Variants in TSHR observed in about 807,000 individuals in gnomAD.
The protein encoded by TSHR is thyroid stimulating hormone receptor, also known as thyrotropin receptor.
TSHR carries 51 observed loss-of-function variants against 64.1 expected under a neutral mutation model. That is an observed-to-expected ratio of 0.80 (90% CI 0.64 to 1.01). The LOEUF (loss-of-function observed/expected upper bound fraction) is 1.01. Among genes scored for constraint, TSHR ranks in the 50% least tolerant of loss-of-function variants. The probability of loss-of-function intolerance (pLI) is 0.00; values close to 1 mark genes in which losing one functional copy is unlikely to be tolerated. For synonymous variants in TSHR, 361 were observed against 361.9 expected (o/e 1.00, Z 0.03); for missense variants, 877 against 942.8 (o/e 0.93, Z 0.91).
chr14:81,014,638 T>A (rs889067608), intron 1 of TSHR, among the ~76,000 whole-genome samples: 1 of 152,120 alleles, frequency 6.6e-6, no homozygotes, highest in Non-Finnish European at 1.5e-5. Context: ...CACAATTTCA[T>A]TGAATGGGAG....
chr14:81,090,039 C>T lies in TSHR; in HGVS notation c.393-1030C>T, dbSNP rs369528482. ...TGTCTAGATCTCACTCTATGCTATG[C>T]CAAATTCTCAAAAAAAAAAAAATTC... On this transcript the variant is annotated intron_variant, in intron 4 of 9. Transcript: ENST00000298171. Among the ~76,000 whole-genome samples, 56 of 150,868 alleles carry T rather than the reference C, an allele frequency of 3.7e-4. No homozygotes were observed. In the South Asian group the frequency reaches 0.011, roughly 30 times the overall value.
At chr14:81,071,158 A>G (rs1887039352) in intron 3 of TSHR, among the ~76,000 whole-genome samples, 1 of 152,184 alleles carries the variant, frequency 6.6e-6, no homozygotes, top group South Asian at 2.1e-4. Flanking sequence ...AGCTTTTATG[A>G]AAACATTAAA....
At chr14:80,992,031 A>G (rs976348721) in intron 1 of TSHR, 1 of 157,616 alleles carries the variant, frequency 6.3e-6, no homozygotes, top group African/African-American at 2.4e-5. Context: ...GGGACTATTT[A>G]CTAGCCCCAT....
intron 8 of TSHR, among the ~76,000 whole-genome samples, chr14:81,109,673 A>G (rs117253034): frequency 6.6e-6 from 1 of 152,110 alleles, no homozygotes; most frequent in East Asian, 1.9e-4. Context: ...TCACTCTTTC[A>G]CCTTTAACAA....
intron 1 of TSHR, among the ~76,000 whole-genome samples, chr14:81,044,137 G>A (rs1236500845): frequency 2.0e-5 from 3 of 152,206 alleles, no homozygotes; most frequent in Non-Finnish European, 4.4e-5. Flanking sequence ...ACTATCATCA[G>A]AGTGAACAGA....
At chr14:81,127,012 G>A (rs2140077704) in intron 8 of TSHR, among the ~76,000 whole-genome samples, 1 of 152,302 alleles carries the variant, frequency 6.6e-6, no homozygotes, top group South Asian at 2.1e-4. Context: ...CAAAAGCCAT[G>A]TATACTATGT....
chr14:81,116,347 A>C (rs1418797444), intron 8 of TSHR, among the ~76,000 whole-genome samples: 1 of 125,566 alleles, frequency 8.0e-6, no homozygotes, highest in African/African-American at 3.1e-5. Flanking sequence ...TCTACCAAGC[A>C]AATGGAAAAC....
intron 8 of TSHR, among the ~76,000 whole-genome samples, chr14:81,115,863 G>T (rs1314896446): frequency 1.3e-5 from 2 of 151,980 alleles, no homozygotes; most frequent in Non-Finnish European, 2.9e-5. Context: ...AGAAGAGAGT[G>T]GGGGCCAATA....
At chr14:81,064,393 CA>C (rs1462363971) in intron 2 of TSHR, among the ~76,000 whole-genome samples, 1 of 152,002 alleles carries the variant, frequency 6.6e-6, no homozygotes, top group Admixed American at 6.6e-5. Flanking sequence ...TGTGGAGGGT[CA>C]GGGGGTATGT....
intron 1 of TSHR, among the ~76,000 whole-genome samples, chr14:80,963,225 C>A (rs559947975): frequency 6.6e-6 from 1 of 152,194 alleles, no homozygotes; most frequent in Admixed American, 6.5e-5. Context: ...GATTTAGATT[C>A]TCATTTCTAT....
intron 2 of TSHR, among the ~76,000 whole-genome samples, chr14:81,062,791 G>T (rs113839784): frequency 0.015 from 2,342 of 152,212 alleles, 81 homozygotes; most frequent in African/African-American, 0.053. Flanking sequence ...AATGAAGCAG[G>T]TCTTTATTTC....
chr14:81,133,948 C>T (rs1234886823), intron 8 of TSHR, among the ~76,000 whole-genome samples: 1 of 151,900 alleles, frequency 6.6e-6, no homozygotes, highest in Non-Finnish European at 1.5e-5. Context: ...TTATTGAGAA[C>T]ACACTAAGAG....
intron 1 of TSHR, among the ~76,000 whole-genome samples, chr14:81,028,800 G>A (rs1884202690): frequency 1.3e-5 from 2 of 151,986 alleles, no homozygotes; most frequent in Admixed American, 1.3e-4. Flanking sequence ...AGAAATGAAT[G>A]CACAGGAGAT....
chr14:80,981,435 C>A (rs1888164488), intron 1 of TSHR, among the ~76,000 whole-genome samples: 1 of 152,098 alleles, frequency 6.6e-6, no homozygotes, highest in African/African-American at 2.4e-5. Flanking sequence ...TGAGGAGCAG[C>A]CAGAGGACAA....
rs558796001 is a variant in TSHR at position 81,144,662 on chromosome 14, T to C, written c.*309T>C. The C allele has an allele frequency of 2.5e-6, 1 of 402,790 alleles. No individual in the cohort carries two copies. Among genetic ancestry groups the C allele is most frequent in the Non-Finnish European group, 4.5e-6 (1 of 222,078 alleles). The allele number at this position is 402,790 out of a possible 1,614,324, so 25.0% of individuals were successfully genotyped here. On this transcript the variant is annotated 3_prime_UTR_variant, in exon 10 of 10. Coordinates refer to ENST00000298171, the MANE Select transcript of TSHR (RefSeq NM_000369.5). ...GTCATTGTGTAGGATGTTCAGTAAA[T>C]ATTAACTGAGCTATGTCAATATAGA... is the stretch of plus-strand genomic sequence containing the variant.
rs760794205 is a variant in TSHR, at chr14:81,108,410, A to T, written c.650A>T (p.Asp217Val). The change falls in exon 8 of 10, where the codon GAC becomes GTC. Residue 217 changes from aspartate to valine, a missense_variant. By Grantham distance (152) the Asp-to-Val change is radical. Transcript: ENST00000298171. ...AAGAATAAATACCTGACAGTTATTG[A>T]CAAAGATGCATTTGGAGGAGTATAC... Reference protein sequence around the residue: ...LNKNKYLTVIDKDAFGGVYSG... With the variant: ...LNKNKYLTVIVKDAFGGVYSG... The T allele has an allele frequency of 3.1e-6, 5 of 1,613,852 alleles. No individual in the cohort carries two copies. The highest frequency in any genetic ancestry group is 3.4e-6 in the Non-Finnish European group (4 of 1,179,904).
chr14:81,128,132 C>A lies in TSHR; in HGVS notation c.693-11547C>A, dbSNP rs185521220. 1.3e-3 allele frequency among the ~76,000 whole-genome samples: 200 copies of A among 152,288 alleles called. 1 individual carries two copies. Among genetic ancestry groups the A allele is most frequent in the African/African-American group, 4.7e-3 (197 of 41,562 alleles). The stretch of plus-strand genomic sequence containing the variant: ...AAGCAATTTTATTTGTACACATAGA[C>A]TTTAAGAAAAGATTCATAATTTCTG... On this transcript the variant is annotated intron_variant, in intron 8 of 9. Coordinates refer to ENST00000298171, the MANE Select transcript of TSHR (RefSeq NM_000369.5).
At chr14:81,113,273 A>G (rs1890309576) in intron 8 of TSHR, among the ~76,000 whole-genome samples, 1 of 152,246 alleles carries the variant, frequency 6.6e-6, no homozygotes, top group African/African-American at 2.4e-5. Flanking sequence ...TGGATCGGAT[A>G]TAGCAGATGA....
At chr14:80,994,669 C>G (rs925703223) in intron 1 of TSHR, 6 of 152,274 alleles carry the variant, frequency 3.9e-5, no homozygotes, top group African/African-American at 1.4e-4. Flanking sequence ...AGATATCTGG[C>G]TAGCCATATG....
Sources: gnomAD v4.1 joint callset for allele counts (sites outside exome capture counted in the v4.1 genomes callset) on GRCh38, gnomAD v4.1.1 for gene constraint, MANE v1.5 for transcripts, NCBI Gene and HGNC (gene_info 2026-07-23, HGNC 2026-07-21) for gene names.